Variants in LCLAT1 observed in about 807,000 individuals in gnomAD.
LCLAT1 encodes the protein lysocardiolipin acyltransferase 1.
A neutral mutation model predicts 30.7 loss-of-function variants in LCLAT1; 11 were observed. The ratio of observed to expected loss-of-function variants is 0.36; its 90% CI spans 0.23 to 0.59. LCLAT1 has a LOEUF of 0.59. LCLAT1 is among the 20% of genes least tolerant of loss of function. The pLI, the probability that LCLAT1 is intolerant of heterozygous loss-of-function variation, is 0.77. For missense variants in LCLAT1, 402 were observed against 458.6 expected, an observed-to-expected ratio of 0.88 and a Z score of 1.13; for synonymous variants, 155 against 151.3, an observed-to-expected ratio of 1.02 and a Z score of -0.18.
chr2:30,569,678 T>C (rs1008108697), intron 5 of LCLAT1, among the ~76,000 whole-genome samples: 1 of 152,242 alleles, frequency 6.6e-6, no homozygotes, highest in South Asian at 2.1e-4. Flanking sequence ...ATAAAAAGTA[T>C]AACCTGCCAA....
intron 3 of LCLAT1, among the ~76,000 whole-genome samples, chr2:30,556,629 A>G (rs531492702): frequency 1.1e-3 from 162 of 152,314 alleles, no homozygotes; most frequent in African/African-American, 3.7e-3. Flanking sequence ...TAATCAGGGT[A>G]TATCTCTGCT....
intron 1 of LCLAT1, among the ~76,000 whole-genome samples, chr2:30,516,971 GCCGACTAGAA>G (rs1206429001): frequency 6.6e-6 from 1 of 152,168 alleles, no homozygotes; most frequent in East Asian, 1.9e-4. Flanking sequence ...GAAGCTGAGG[GCCGACTAGAA>G]GCAGAAAACT....
intron 1 of LCLAT1, among the ~76,000 whole-genome samples, chr2:30,478,284 C>T (rs752932931): frequency 1.2e-4 from 18 of 152,060 alleles, no homozygotes; most frequent in Non-Finnish European, 1.3e-4. Context: ...TGTAGGCTGA[C>T]GTGAAAACCT....
chr2:30,567,071 G>T (rs1031356872), intron 4 of LCLAT1, among the ~76,000 whole-genome samples: 1 of 152,138 alleles, frequency 6.6e-6, no homozygotes. Flanking sequence ...ATATTTGATT[G>T]CTAGTTATTT....
At chr2:30,597,441 G>A (rs961743755) in intron 5 of LCLAT1, among the ~76,000 whole-genome samples, 1 of 152,050 alleles carries the variant, frequency 6.6e-6, no homozygotes, top group Non-Finnish European at 1.5e-5. Flanking sequence ...TTGGCTCTCT[G>A]CTTGTCTATT....
At chr2:30,452,862 A>C (rs915331770) in intron 1 of LCLAT1, among the ~76,000 whole-genome samples, 1 of 151,990 alleles carries the variant, frequency 6.6e-6, no homozygotes, top group Non-Finnish European at 1.5e-5. Flanking sequence ...TCACACCTTT[A>C]CCTTGTCCTC....
chr2:30,493,637 T>C (rs1023683928), intron 1 of LCLAT1, among the ~76,000 whole-genome samples: 1 of 152,214 alleles, frequency 6.6e-6, no homozygotes, highest in Non-Finnish European at 1.5e-5. Context: ...AACAGCTCTG[T>C]CACTCTAGAA....
chr2:30,595,002 G>A (rs1666866280), intron 5 of LCLAT1, among the ~76,000 whole-genome samples: 1 of 152,012 alleles, frequency 6.6e-6, no homozygotes, highest in Admixed American at 6.6e-5. Flanking sequence ...GACTTTATTG[G>A]TTTTGTCTTT....
intron 4 of LCLAT1, among the ~76,000 whole-genome samples, chr2:30,565,470 A>G (rs891350187): frequency 2.6e-5 from 4 of 152,202 alleles, no homozygotes; most frequent in African/African-American, 7.2e-5. Flanking sequence ...CATCTAGAAT[A>G]ATATTTGATG....
At chr2:30,619,188 A>G (rs1668131494) in intron 5 of LCLAT1, among the ~76,000 whole-genome samples, 1 of 152,222 alleles carries the variant, frequency 6.6e-6, no homozygotes, top group Admixed American at 6.5e-5. Context: ...GGTTTTGATT[A>G]TACATTAACC....
intron 3 of LCLAT1, among the ~76,000 whole-genome samples, chr2:30,550,708 C>G (rs1048026493): frequency 1.3e-5 from 2 of 152,030 alleles, no homozygotes; most frequent in African/African-American, 2.4e-5. Context: ...GCTGTTTTCC[C>G]CTTTACATTT....
chr2:30,543,695 T>C (rs554740004), intron 3 of LCLAT1, among the ~76,000 whole-genome samples: 1 of 152,272 alleles, frequency 6.6e-6, no homozygotes, highest in South Asian at 2.1e-4. Flanking sequence ...CATCAAGTTG[T>C]TAATAATATT....
intron 5 of LCLAT1, among the ~76,000 whole-genome samples, chr2:30,617,798 G>GTGAT (rs1491149363): frequency 6.6e-6 from 1 of 152,092 alleles, no homozygotes; most frequent in African/African-American, 2.4e-5. Context: ...ACCTTCACTG[G>GTGAT]TGATATGTTA....
chr2:30,575,288 T>A (rs985646901), intron 5 of LCLAT1, among the ~76,000 whole-genome samples: 7 of 152,106 alleles, frequency 4.6e-5, no homozygotes, highest in African/African-American at 1.7e-4. Context: ...CTCATTGGAC[T>A]TGAGCTCCTT....
In LCLAT1 at chr2:30,641,398, G is replaced by A. The variant is rs1669299252; in HGVS notation, c.*779G>A. The A allele has an allele frequency of 6.6e-6, 1 of 152,140 alleles. No individual in the cohort carries two copies. The highest frequency in any genetic ancestry group is 1.5e-5 in the Non-Finnish European group (1 of 68,028). 9.4% of individuals were successfully genotyped at this position (152,140 alleles called of 1,614,324 possible). On this transcript the variant is annotated 3_prime_UTR_variant, in exon 6 of 6. Coordinates refer to ENST00000379509, the MANE Select transcript of LCLAT1 (RefSeq NM_001002257.3). ...TGGTTTTCTTACAACATTTTGGCAGGTGTAGCTTTTTCTGTTAAAAATGGT... is the reference window on the plus strand; with the variant it reads ...TGGTTTTCTTACAACATTTTGGCAGATGTAGCTTTTTCTGTTAAAAATGGT...
intron 1 of LCLAT1, among the ~76,000 whole-genome samples, chr2:30,483,506 A>C (rs965793204): frequency 6.6e-6 from 1 of 152,158 alleles, no homozygotes; most frequent in Non-Finnish European, 1.5e-5. Flanking sequence ...TAATGTGTCT[A>C]CCTCCATAGG....
chr2:30,546,455 A>G (rs1664416315), intron 3 of LCLAT1, among the ~76,000 whole-genome samples: 1 of 152,190 alleles, frequency 6.6e-6, no homozygotes, highest in African/African-American at 2.4e-5. Context: ...CACTATAGGA[A>G]CATGATTATA....
At chr2:30,578,570 TAGTC>T (rs1439902197) in intron 5 of LCLAT1, among the ~76,000 whole-genome samples, 6 of 152,132 alleles carry the variant, frequency 3.9e-5, no homozygotes, top group African/African-American at 1.2e-4. Flanking sequence ...GAAGAAGTGT[TAGTC>T]AGTGCCTTTT....
In LCLAT1 at chr2:30,640,113, C is replaced by G. The variant is rs772619332; in HGVS notation, c.629-4C>G. 1 of 1,603,388 alleles carries G rather than the reference C, an allele frequency of 6.2e-7. No homozygotes were observed. The highest frequency in any genetic ancestry group is 8.5e-7 in the Non-Finnish European group (1 of 1,175,688). ...ATCTATGTTTTCATCTTTTCGAAAC[C>G]CAGGTAAGAACCTTGATGCTGTCCA... On this transcript the variant is annotated splice_polypyrimidine_tract_variant and splice_region_variant and intron_variant, in intron 5 of 5. Coordinates refer to ENST00000379509, the MANE Select transcript of LCLAT1 (RefSeq NM_001002257.3).
Sources: allele counts gnomAD v4.1 joint callset (sites outside exome capture counted in the v4.1 genomes callset), GRCh38; gene constraint gnomAD v4.1.1; transcripts MANE v1.5; gene names NCBI Gene and HGNC (gene_info 2026-07-23, HGNC 2026-07-21).